The following TOMM20 variants were observed in gnomAD, a reference collection of about 807,000 sequenced individuals.
The protein encoded by TOMM20 is mitochondrial import receptor subunit TOM20 homolog.
A neutral mutation model predicts 22.1 loss-of-function variants in TOMM20; 10 were observed. The ratio of observed to expected loss-of-function variants is 0.45; its 90% CI spans 0.28 to 0.77. The LOEUF is 0.77. TOMM20 is among the 30% of genes least tolerant of loss of function. The pLI is 0.13. For missense variants in TOMM20, 121 were observed against 172.2 expected, an observed-to-expected ratio of 0.70 and a Z score of 1.66; for synonymous variants, 55 against 61.4, an observed-to-expected ratio of 0.90 and a Z score of 0.49.
chr1:235,116,946 T>C (rs187651276), intron 3 of TOMM20, among the ~76,000 whole-genome samples: 5,186 of 148,810 alleles, frequency 0.035, 158 homozygotes, highest in African/African-American at 0.082. Flanking sequence ...CCATCCTGGC[T>C]AACATGGTGA....
chr1:235,127,573 G>A lies in TOMM20; in HGVS notation c.121+1022C>T, dbSNP rs571278697. Among the ~76,000 whole-genome samples, 9 of 152,282 alleles carry A rather than the reference G, an allele frequency of 5.9e-5. No homozygotes were observed. The East Asian group carries it at 1.7e-3, about 29-fold the overall frequency. On this transcript the variant is annotated intron_variant, in intron 1 of 4. Coordinates refer to ENST00000366607, the MANE Select transcript of TOMM20 (RefSeq NM_014765.3). ...ATAGCTGAATTAAACCGTAACCACTGTTACTTAAGTAAACAATAATCCCTT... is the reference window on the plus strand; with the variant it reads ...ATAGCTGAATTAAACCGTAACCACTATTACTTAAGTAAACAATAATCCCTT...
At chr1:235,122,490 T>A (rs1660945066) in intron 1 of TOMM20, 118 bp from the exon 2 acceptor site, 1 of 897,246 alleles carries the variant, frequency 1.1e-6, no homozygotes. Flanking sequence ...ACTCTAGGAA[T>A]CTATCCCTCC....
In TOMM20 at chr1:235,111,450, A is replaced by C. The variant is rs1195639211; in HGVS notation, c.*614T>G. On this transcript the variant is annotated 3_prime_UTR_variant, in exon 5 of 5. Coordinates refer to ENST00000366607, the MANE Select transcript of TOMM20 (RefSeq NM_014765.3). Reference sequence around the variant, plus strand: ...TGCAACTACATATATTTAAAATACAAGGAGATAAATACCCAGAACACATTA... The same window carrying C: ...TGCAACTACATATATTTAAAATACACGGAGATAAATACCCAGAACACATTA... The C allele has an allele frequency of 6.6e-6, 1 of 152,666 alleles. No individual in the cohort carries two copies. Among genetic ancestry groups the C allele is most frequent in the African/African-American group, 2.4e-5 (1 of 41,462 alleles). The allele number at this position is 152,666 out of a possible 1,614,324, so 9.5% of individuals were successfully genotyped here.
chr1:235,114,563 G>T (rs1009657983), intron 3 of TOMM20, among the ~76,000 whole-genome samples: 3 of 149,886 alleles, frequency 2.0e-5, no homozygotes, highest in African/African-American at 4.9e-5. Context: ...TCAGCCTCCC[G>T]CGCAGCTGGG....
intron 3 of TOMM20, among the ~76,000 whole-genome samples, chr1:235,117,727 T>C (rs767110771): frequency 3.3e-5 from 5 of 152,140 alleles, no homozygotes; most frequent in Admixed American, 6.5e-5. Context: ...TTGGGTAAAA[T>C]TTTGACTACT....
chr1:235,127,684 A>T (rs575546700), intron 1 of TOMM20: 1 of 377,250 alleles, frequency 2.7e-6, no homozygotes, highest in Non-Finnish European at 5.3e-6. Flanking sequence ...TAAGCCAAAA[A>T]ATATTTCTTA....
chr1:235,111,958 G>A lies in TOMM20; in HGVS notation c.*106C>T, dbSNP rs1660744874. On this transcript the variant is annotated 3_prime_UTR_variant, in exon 5 of 5. Transcript: ENST00000366607. ...AACATTAACTTTGGTAGATTTCAGTGTAGTTCATAACAAGCATATTTGCCC... is the reference window on the plus strand; with the variant it reads ...AACATTAACTTTGGTAGATTTCAGTATAGTTCATAACAAGCATATTTGCCC... The A allele has an allele frequency of 1.2e-6, 1 of 836,680 alleles. No homozygotes were observed. The highest frequency in any genetic ancestry group is 1.5e-5 in the South Asian group (1 of 67,048). The allele number at this position is 836,680 out of a possible 1,614,324, so 51.8% of individuals were successfully genotyped here. A position where few individuals can be genotyped will look rare whatever the true frequency, so the allele number is the denominator to read the frequency against.
In TOMM20 at chr1:235,128,608, G is replaced by A; in HGVS notation, c.108C>T (p.Asn36=). ...GGACCCACTCACGTTCTCGAAGCCTGTTCTTGAAGTTGGGGTCACTTCGTC... is the reference window on the plus strand; with the variant it reads ...GGACCCACTCACGTTCTCGAAGCCTATTCTTGAAGTTGGGGTCACTTCGTC... ...RKRRSDPNFK[N]RLRERRKKQK... is the part of the protein sequence containing the mutation. The change falls in exon 1 of 5, where the codon AAC becomes AAT. Residue 36 remains asparagine, a synonymous_variant. Coordinates refer to ENST00000366607, the MANE Select transcript of TOMM20 (RefSeq NM_014765.3). The A allele has an allele frequency of 6.2e-7, 1 of 1,612,932 alleles. No homozygotes were observed. The highest frequency in any genetic ancestry group is 8.5e-7 in the Non-Finnish European group (1 of 1,179,940).
At chr1:235,124,986 T>C (rs1481136414) in intron 1 of TOMM20, among the ~76,000 whole-genome samples, 1 of 152,240 alleles carries the variant, frequency 6.6e-6, no homozygotes, top group East Asian at 1.9e-4. Context: ...TAATATATTT[T>C]TAATGTGTCA....
intron 3 of TOMM20, among the ~76,000 whole-genome samples, chr1:235,116,173 G>A (rs187433836): frequency 3.3e-5 from 5 of 152,224 alleles, no homozygotes; most frequent in East Asian, 3.9e-4. Flanking sequence ...TAGGGAGGCC[G>A]AGGTGGGTGG....
chr1:235,127,620 G>A (rs115578971), intron 1 of TOMM20, among the ~76,000 whole-genome samples: 169 of 152,312 alleles, frequency 1.1e-3, no homozygotes, highest in Middle Eastern at 3.4e-3. Context: ...TTGGGCTTTA[G>A]TAACTTACGT....
intron 2 of TOMM20, 90 bp downstream of exon 2, chr1:235,122,236 T>C (rs1660942207): frequency 8.2e-7 from 1 of 1,218,140 alleles, no homozygotes; most frequent in Non-Finnish European, 1.1e-6. Flanking sequence ...ACTAGCTTTT[T>C]CCAATTACAT....
chr1:235,127,610 T>C (rs1315749496), intron 1 of TOMM20, among the ~76,000 whole-genome samples: 1 of 152,192 alleles, frequency 6.6e-6, no homozygotes, highest in Non-Finnish European at 1.5e-5. Flanking sequence ...TTTGTACCCC[T>C]TGGGCTTTAG....
intron 1 of TOMM20, chr1:235,127,825 G>T (rs778590936): frequency 1.9e-6 from 1 of 518,836 alleles, no homozygotes; most frequent in East Asian, 5.4e-5. Flanking sequence ...TATGAAATAA[G>T]ACTGAGCCAC....
chr1:235,128,527 T>C, intron 1 of TOMM20, 68 bp downstream of exon 1: 2 of 1,606,508 alleles, frequency 1.2e-6, no homozygotes, highest in Non-Finnish European at 1.7e-6. Context: ...TGGGAGGCAA[T>C]GACCCCTCCT....
At chr1:235,120,869 C>CAA (rs752792267) in intron 2 of TOMM20, among the ~76,000 whole-genome samples, 26,029 of 99,978 alleles carry the variant, frequency 0.26, 4,178 homozygotes, top group South Asian at 0.52. Flanking sequence ...GACCCTGTCT[C>CAA]AAAAAAAAAA....
rs1412489469 is a variant in TOMM20, at chr1:235,128,668, A to T, written c.48T>A (p.Leu16=). The change falls in exon 1 of 5, where the codon CTT becomes CTA. Residue 16 remains leucine, a synonymous_variant. Coordinates refer to ENST00000366607, the MANE Select transcript of TOMM20 (RefSeq NM_014765.3). The part of the protein sequence containing the change: ...SAIAAGVCGA[L]FIGYCIYFDR... ...CGAAGTAGATGCAGTACCCAATGAA[A>T]AGGGCCCCGCATACACCGGCGGCGA... The T allele has an allele frequency of 6.2e-7, 1 of 1,614,046 alleles. No homozygotes were observed. Among genetic ancestry groups the T allele is most frequent in the South Asian group, 1.1e-5 (1 of 91,080 alleles).
chr1:235,127,698 C>T (rs1661048178), intron 1 of TOMM20: 1 of 349,304 alleles, frequency 2.9e-6, no homozygotes, highest in African/African-American at 2.2e-5. Context: ...TTTCTTATTG[C>T]AACAAATTTG....
chr1:235,113,265 G>GA (rs1660770060), intron 4 of TOMM20, among the ~76,000 whole-genome samples: 1 of 152,176 alleles, frequency 6.6e-6, no homozygotes, highest in East Asian at 1.9e-4. Context: ...GGGATTTGGG[G>GA]ATGTCGTCAA....
Sources: allele counts gnomAD v4.1 joint callset (sites outside exome capture counted in the v4.1 genomes callset), GRCh38; gene constraint gnomAD v4.1.1; transcripts MANE v1.5; gene names NCBI Gene and HGNC (gene_info 2026-07-23, HGNC 2026-07-21).